Variants in CTNNA3 observed in about 807,000 individuals in gnomAD.
CTNNA3 encodes the protein catenin alpha-3.
In CTNNA3, 76 loss-of-function variants were observed where a neutral mutation model predicts 95.7. The observed-to-expected ratio is 0.79, with a 90% CI of 0.66 to 0.96. The LOEUF is 0.96. Among genes scored for constraint, CTNNA3 ranks in the 40% least tolerant of loss-of-function variants. The pLI is 0.00. For synonymous variants in CTNNA3, 431 were observed against 374.4 expected (o/e 1.15, Z -1.74); for missense variants, 1,191 against 1,089.8 (o/e 1.09, Z -1.31).
At chr10:66,405,504 G>C (rs1376577152) in intron 11 of CTNNA3, among the ~76,000 whole-genome samples, 1 of 152,046 alleles carries the variant, frequency 6.6e-6, no homozygotes, top group Non-Finnish European at 1.5e-5. Context: ...TCAAAATGAG[G>C]TACACTGACC....
chr10:67,442,246 A>C (rs181786289), intron 5 of CTNNA3, among the ~76,000 whole-genome samples: 1 of 152,316 alleles, frequency 6.6e-6, no homozygotes. Context: ...AATAAAAAGC[A>C]GTAAATTAAA....
At chr10:66,350,678 C>T (rs2092560500) in intron 12 of CTNNA3, among the ~76,000 whole-genome samples, 1 of 150,852 alleles carries the variant, frequency 6.6e-6, no homozygotes, top group African/African-American at 2.4e-5. Context: ...CCTCTTATTT[C>T]AGGGCAACAC....
Position 66,683,372 on chromosome 10 carries a change from G to C in CTNNA3, c.1282-61588C>G, listed in dbSNP as rs566328717. 7.9e-5 allele frequency among the ~76,000 whole-genome samples: 12 copies of C among 152,224 alleles called. No individual in the cohort carries two copies. In the South Asian group the frequency reaches 1.7e-3, roughly 21 times the overall value. ...AGAAAGTTTCACTATCAAAATTCTA[G>C]AACATTAACTACTGATACTATTACA... On this transcript the variant is annotated intron_variant, in intron 9 of 17. Coordinates refer to ENST00000433211, the MANE Select transcript of CTNNA3 (RefSeq NM_013266.4).
chr10:66,724,790 C>T (rs573415423), intron 9 of CTNNA3, among the ~76,000 whole-genome samples: 1 of 152,292 alleles, frequency 6.6e-6, no homozygotes, highest in South Asian at 2.1e-4. Context: ...TTTTATCTCA[C>T]TACTTCTGAG....
At chr10:66,663,960 C>T (rs1042782055) in intron 9 of CTNNA3, among the ~76,000 whole-genome samples, 1 of 152,024 alleles carries the variant, frequency 6.6e-6, no homozygotes, top group Non-Finnish European at 1.5e-5. Context: ...TCTCCTTTGT[C>T]ACCTTAAAGA....
chr10:66,505,666 C>A (rs2131976581), intron 11 of CTNNA3, among the ~76,000 whole-genome samples: 1 of 152,138 alleles, frequency 6.6e-6, no homozygotes, highest in South Asian at 2.1e-4. Context: ...ATTGTAACAT[C>A]TTGAATGTGT....
intron 1 of CTNNA3, among the ~76,000 whole-genome samples, chr10:67,671,895 A>G (rs967262940): frequency 2.0e-5 from 3 of 152,056 alleles, no homozygotes; most frequent in Admixed American, 2.0e-4. Context: ...TGGCTGGGTC[A>G]AATGGTATTT....
chr10:65,984,671 A>G (rs1314246580), intron 16 of CTNNA3, among the ~76,000 whole-genome samples: 1 of 151,356 alleles, frequency 6.6e-6, no homozygotes, highest in Non-Finnish European at 1.5e-5. Flanking sequence ...CCAATTAAAG[A>G]AGATTATCAA....
chr10:66,666,368 C>A (rs1846451162), intron 9 of CTNNA3, among the ~76,000 whole-genome samples: 2 of 152,118 alleles, frequency 1.3e-5, no homozygotes, highest in Admixed American at 1.3e-4. Flanking sequence ...GGGTCAAGTA[C>A]TTTAGTAACA....
At chr10:66,740,122 C>T (rs35032171) in intron 9 of CTNNA3, among the ~76,000 whole-genome samples, 14,930 of 152,132 alleles carry the variant, frequency 0.098, 953 homozygotes, top group East Asian at 0.23. Context: ...TAAACAAGAG[C>T]GGGGGACTTT....
intron 10 of CTNNA3, among the ~76,000 whole-genome samples, chr10:66,537,641 A>T (rs1168990740): frequency 6.6e-6 from 1 of 151,040 alleles, no homozygotes; most frequent in Admixed American, 6.6e-5. Context: ...AAATTATAAC[A>T]ATGAAAACAT....
At chr10:66,279,860 A>G (rs1032745671) in intron 13 of CTNNA3, among the ~76,000 whole-genome samples, 1 of 152,068 alleles carries the variant, frequency 6.6e-6, no homozygotes, top group African/African-American at 2.4e-5. Flanking sequence ...TTACATTAAT[A>G]ATTGAGGGAA....
At chr10:66,001,591 T>A (rs2078770058) in intron 15 of CTNNA3, among the ~76,000 whole-genome samples, 1 of 152,184 alleles carries the variant, frequency 6.6e-6, no homozygotes, top group Non-Finnish European at 1.5e-5. Flanking sequence ...AATAAAACTG[T>A]GGCATTTGTC....
At chr10:67,614,776 CAG>C (rs1843592397) in intron 2 of CTNNA3, among the ~76,000 whole-genome samples, 1 of 152,166 alleles carries the variant, frequency 6.6e-6, no homozygotes, top group Non-Finnish European at 1.5e-5. Context: ...GGTTAAACAA[CAG>C]AAATTTATTT....
intron 9 of CTNNA3, among the ~76,000 whole-genome samples, chr10:66,762,508 C>T (rs1408047416): frequency 6.6e-6 from 1 of 151,818 alleles, no homozygotes; most frequent in Non-Finnish European, 1.5e-5. Flanking sequence ...CATCATTACC[C>T]ATGATCATTT....
chr10:67,556,199 A>C (rs1392520712), intron 3 of CTNNA3, among the ~76,000 whole-genome samples: 1 of 152,120 alleles, frequency 6.6e-6, no homozygotes. Context: ...CATCAGGGTT[A>C]TTGGCCTAAA....
At chr10:67,759,015 A>G (rs1405318284) in intron 1 of CTNNA3, among the ~76,000 whole-genome samples, 1 of 152,096 alleles carries the variant, frequency 6.6e-6, no homozygotes, top group Non-Finnish European at 1.5e-5. Flanking sequence ...TTAGGTAGGA[A>G]AATCCTGTAA....
chr10:66,450,314 C>T (rs909076837), intron 11 of CTNNA3, among the ~76,000 whole-genome samples: 29 of 152,102 alleles, frequency 1.9e-4, no homozygotes, highest in African/African-American at 6.7e-4. Flanking sequence ...GTTTGGAGTA[C>T]TAACATAAAT....
chr10:66,615,055 C>T (rs1564569494), intron 10 of CTNNA3, among the ~76,000 whole-genome samples: 1 of 151,846 alleles, frequency 6.6e-6, no homozygotes, highest in African/African-American at 2.4e-5. Context: ...TAAACACTTC[C>T]AGTAATGAGG....
Sources: allele counts gnomAD v4.1 joint callset (sites outside exome capture counted in the v4.1 genomes callset), GRCh38; gene constraint gnomAD v4.1.1; transcripts MANE v1.5; gene names NCBI Gene and HGNC (gene_info 2026-07-23, HGNC 2026-07-21).